The following MYO16 variants were observed in gnomAD, a reference collection of about 807,000 sequenced individuals.
MYO16 encodes the protein unconventional myosin-XVI.
In MYO16, 94 loss-of-function variants were observed where a neutral mutation model predicts 205.3. The ratio of observed to expected loss-of-function variants is 0.46; its 90% confidence interval spans 0.39 to 0.54. The LOEUF (loss-of-function observed/expected upper bound fraction) is 0.54. MYO16 is among the 20% of genes least tolerant of loss of function. The pLI is 0.00. For synonymous variants in MYO16, 988 were observed against 954.0 expected (o/e 1.04, Z -0.66); for missense variants, 2,315 against 2,387.5 (o/e 0.97, Z 0.63).
At chr13:108,678,485 C>T (rs1391915331) in intron 2 of MYO16, among the ~76,000 whole-genome samples, 3 of 152,150 alleles carry the variant, frequency 2.0e-5, no homozygotes, top group East Asian at 1.9e-4. Context: ...CTCATGAGTT[C>T]GAACTTCTCT....
intron 17 of MYO16, 78 bp downstream of exon 17, chr13:108,957,877 T>C: frequency 1.7e-6 from 2 of 1,143,942 alleles, no homozygotes; most frequent in Non-Finnish European, 1.3e-6. Context: ...CAAAAGCATT[T>C]ACTGAGCCCC....
chr13:109,082,239 C>A (rs1888304280), intron 27 of MYO16, among the ~76,000 whole-genome samples: 1 of 152,110 alleles, frequency 6.6e-6, no homozygotes, highest in Non-Finnish European at 1.5e-5. Flanking sequence ...ACCCCGTTCC[C>A]CATCATGAGA....
In MYO16 at chr13:109,140,676, C is replaced by G. The variant is rs534755698; in HGVS notation, c.4464C>G (p.Asp1488Glu). 4 of 1,485,238 alleles carry G rather than the reference C, an allele frequency of 2.7e-6. No individual in the cohort carries two copies. The highest frequency in any genetic ancestry group is 2.7e-5 in the South Asian group (2 of 75,058). The allele number at this position is 1,485,238 out of a possible 1,614,324, so 92.0% of individuals were successfully genotyped here. The change falls in exon 32 of 35, where the codon GAC (aspartate) becomes GAG (glutamate). Residue 1488 changes from aspartate (D) to glutamate (E), a missense_variant. Asp to Glu is a conservative substitution (Grantham distance 45, BLOSUM62 2). Around this residue, in one of 3 missense-constraint regions of MYO16, gnomAD observed 1,097 missense variants for 1,092.0 expected, o/e 1.00. Transcript: ENST00000457511. The surrounding 1 kb of genome is among the most constrained non-coding windows in gnomAD (Gnocchi z 8.0). ...SPPLLHRAPE[D>E]EAAGPPGDAC... Reference sequence around the variant, plus strand: ...CCCTGCTCCACCGCGCGCCGGAGGACGAGGCGGCGGGGCCCCCAGGGGACG... The same window carrying G: ...CCCTGCTCCACCGCGCGCCGGAGGAGGAGGCGGCGGGGCCCCCAGGGGACG...
chr13:108,860,747 G>A (rs560397226), intron 11 of MYO16, among the ~76,000 whole-genome samples: 24 of 152,272 alleles, frequency 1.6e-4, no homozygotes, highest in Non-Finnish European at 3.1e-4. Flanking sequence ...ACCATAAGCA[G>A]AAGAGTGAAG....
chr13:108,594,168 A>T (rs1241871948), upstream of MYO16, among the ~76,000 whole-genome samples: 1 of 152,172 alleles, frequency 6.6e-6, no homozygotes, highest in African/African-American at 2.4e-5. Flanking sequence ...CACTCCTTAG[A>T]GATAAGATTT....
intron 18 of MYO16, among the ~76,000 whole-genome samples, chr13:108,961,891 T>A (rs1328839876): frequency 6.6e-6 from 1 of 152,248 alleles, no homozygotes; most frequent in Non-Finnish European, 1.5e-5. Context: ...GCAACACTGA[T>A]TCTTTAGCAC....
intron 4 of MYO16, among the ~76,000 whole-genome samples, chr13:108,772,332 A>G (rs1431960313): frequency 1.3e-5 from 2 of 152,136 alleles, no homozygotes; most frequent in Non-Finnish European, 2.9e-5. Flanking sequence ...CCTGGGCAAC[A>G]GAGCAAGACC....
At chr13:108,522,505 G>C in the MYO16 span, among the ~76,000 whole-genome samples, 2 of 152,052 alleles carry the variant, frequency 1.3e-5, no homozygotes, top group African/African-American at 4.8e-5. Context: ...AAACTGGGTG[G>C]CTTTAACAAC....
the MYO16 span, among the ~76,000 whole-genome samples, chr13:108,497,139 G>A: frequency 6.6e-6 from 1 of 152,174 alleles, no homozygotes; most frequent in African/African-American, 2.4e-5. Context: ...TCCCAAAGTC[G>A]TCAATGAGAT....
the MYO16 span, among the ~76,000 whole-genome samples, chr13:108,588,103 C>T: frequency 2.0e-5 from 3 of 151,650 alleles, no homozygotes; most frequent in African/African-American, 4.8e-5. Flanking sequence ...ATATTTTTTC[C>T]GAGCTTTTTA....
At chr13:109,097,752 T>C (rs1167550755) in intron 27 of MYO16, among the ~76,000 whole-genome samples, 5 of 152,196 alleles carry the variant, frequency 3.3e-5, no homozygotes, top group Non-Finnish European at 7.3e-5. Flanking sequence ...TCTCTGTTAC[T>C]TACCATTTTT....
chr13:109,139,677 G>T (rs1168136204), intron 31 of MYO16, among the ~76,000 whole-genome samples: 2 of 147,510 alleles, frequency 1.4e-5, no homozygotes, highest in East Asian at 2.2e-4. Context: ...AGGGGTCTAC[G>T]TGAAAGGGTC....
At chr13:108,754,399 T>C (rs1199250275) in intron 4 of MYO16, among the ~76,000 whole-genome samples, 7 of 152,098 alleles carry the variant, frequency 4.6e-5, no homozygotes, top group African/African-American at 1.4e-4. Flanking sequence ...CAGCCAATGG[T>C]AAGGAATAAA....
intron 24 of MYO16, among the ~76,000 whole-genome samples, chr13:109,050,163 A>T (rs1356732920): frequency 1.3e-5 from 2 of 152,106 alleles, no homozygotes; most frequent in African/African-American, 2.4e-5. Flanking sequence ...CACTAATATT[A>T]GTCTTTTATG....
intron 16 of MYO16, among the ~76,000 whole-genome samples, chr13:108,951,905 ACTAGC>A (rs988576742): frequency 3.0e-4 from 45 of 152,240 alleles, no homozygotes; most frequent in Admixed American, 1.1e-3. Context: ...GGAGTTTGAG[ACTAGC>A]CTTGCCAACA....
At chr13:109,087,600 T>G (rs554515737) in intron 27 of MYO16, among the ~76,000 whole-genome samples, 3 of 152,296 alleles carry the variant, frequency 2.0e-5, no homozygotes, top group African/African-American at 7.2e-5. Context: ...GAGCCGAGAT[T>G]GTGCCACTGC....
chr13:108,690,109 C>A (rs76141538), intron 2 of MYO16, among the ~76,000 whole-genome samples: 1 of 151,978 alleles, frequency 6.6e-6, no homozygotes, highest in Admixed American at 6.6e-5. Flanking sequence ...CCATGAAGGT[C>A]GAACTCAGTG....
the MYO16 span, among the ~76,000 whole-genome samples, chr13:108,573,564 G>A: frequency 1.3e-5 from 2 of 152,164 alleles, no homozygotes; most frequent in Admixed American, 6.5e-5. Flanking sequence ...ACCAGGGATA[G>A]ACTGGTGATA....
intron 1 of MYO16, among the ~76,000 whole-genome samples, chr13:108,619,788 C>T (rs1317114663): frequency 6.6e-6 from 1 of 152,140 alleles, no homozygotes; most frequent in Admixed American, 6.6e-5. Context: ...GTGTCCTCCC[C>T]TCTCCCTCTC....
Sources: allele counts gnomAD v4.1 joint callset (sites outside exome capture counted in the v4.1 genomes callset), GRCh38; gene constraint gnomAD v4.1.1; regional missense constraint gnomAD v4.1.1; non-coding constraint Gnocchi (gnomAD v3.1); transcripts MANE v1.5; gene names NCBI Gene and HGNC (gene_info 2026-07-23, HGNC 2026-07-21).